RUVBL2: variants seen among roughly 807,000 people sequenced by gnomAD.
RUVBL2 encodes the protein RuvB like AAA ATPase 2, also known as ruvB-like 2.
A neutral mutation model predicts 57.9 loss-of-function variants in RUVBL2; 9 were observed. That is an observed-to-expected ratio of 0.16 (90% CI 0.09 to 0.27). RUVBL2 has a LOEUF of 0.27. Among genes scored for constraint, RUVBL2 ranks in the 10% least tolerant of loss-of-function variants. The probability of loss-of-function intolerance (pLI) is 1.00; values close to 1 mark genes in which losing one functional copy is unlikely to be tolerated. For missense variants in RUVBL2, 456 were observed against 669.6 expected, an observed-to-expected ratio of 0.68 and a Z score of 3.52; for synonymous variants, 278 against 264.6, an observed-to-expected ratio of 1.05 and a Z score of -0.49.
At position 49,011,837 on chromosome 19, in the gene RUVBL2, T is replaced by A. The variant is rs1049814348; in HGVS notation, c.1001+527T>A. On this transcript the variant is annotated intron_variant, in intron 11 of 14. Transcript: ENST00000595090. The surrounding 1 kb of genome is among the most constrained non-coding windows in gnomAD (Gnocchi z 4.4). Reference sequence around the variant, plus strand: ...CACCCTGTGCACGGGGAACTCTTAATGTTGTGTTTGGCCTGAGGATGCCGG... The same window carrying A: ...CACCCTGTGCACGGGGAACTCTTAAAGTTGTGTTTGGCCTGAGGATGCCGG... 2.6e-5 allele frequency among the ~76,000 whole-genome samples: 3 copies of A among 116,842 alleles called. No homozygotes were observed. The highest frequency in any genetic ancestry group is 6.1e-5 in the Non-Finnish European group (3 of 48,878). The allele number at this position is 116,842 out of a possible 152,430, so 76.7% of individuals were successfully genotyped here. A position where few individuals can be genotyped will look rare whatever the true frequency, so the allele number is the denominator to read the frequency against.
At position 49,010,482 on chromosome 19, in the gene RUVBL2, C is replaced by CCCAACAACAA; in HGVS notation, c.664-5_664-4insCAACAACAAC. The stretch of plus-strand genomic sequence containing the variant: ...CCGCCGTTCTTCCCCCACCCCCGCC[C>CCCAACAACAA]CATAGACCAAGTTCGTGCAGTGCCC... On this transcript the variant is annotated splice_polypyrimidine_tract_variant and splice_region_variant and intron_variant, in intron 8 of 14. Transcript: ENST00000595090. The CCCAACAACAA allele has an allele frequency of 6.2e-7, 1 of 1,605,460 alleles. No homozygotes were observed. Among genetic ancestry groups the CCCAACAACAA allele is most frequent in the Non-Finnish European group, 8.5e-7 (1 of 1,173,098 alleles).
At chr19:48,993,456 G>A, upstream of RUVBL2, 1 of 428,834 alleles carries the variant, frequency 2.3e-6, no homozygotes, top group Non-Finnish European at 4.4e-6. Flanking sequence ...CTGTGTCCCG[G>A]CCCCGCCTCG....
At chr19:49,010,271 C>T in intron 8 of RUVBL2, 1 of 684,744 alleles carries the variant, frequency 1.5e-6, no homozygotes, top group Admixed American at 2.7e-5. Flanking sequence ...TGGCCTGTGG[C>T]TTCTAAGGTC....
chr19:49,010,467 T>TCGCGCC, intron 8 of RUVBL2, 21 bp from the exon 9 acceptor site: 1 of 1,401,208 alleles, frequency 7.1e-7, no homozygotes, highest in Non-Finnish European at 9.9e-7. Context: ...CCGCCGTTCT[T>TCGCGCC]CCCCCACCCC....
At chr19:48,994,198 C>T (rs964166401) in intron 1 of RUVBL2, 2 of 540,944 alleles carry the variant, frequency 3.7e-6, no homozygotes, top group African/African-American at 3.8e-5. Context: ...TCAAAATCAT[C>T]TTGGCGCAAC....
Position 49,007,310 on chromosome 19 carries a change from C to T in RUVBL2, c.404C>T (p.Thr135Met), listed in dbSNP as rs776647069. The T allele has an allele frequency of 9.3e-6, 15 of 1,613,738 alleles. No individual in the cohort carries two copies. The Admixed American group carries it at 1.2e-4, about 13-fold the overall frequency. ...RSIGVRIKEETEIIEGEVVEI... is the reference protein window; with the variant it reads ...RSIGVRIKEEMEIIEGEVVEI... ...ATCTGCTCTCTGGCTAGGGAGGAGA[C>T]GGAGATCATCGAAGGGGAGGTGGTG... Residue 135 changes from threonine (T) to methionine (M), a missense_variant, in exon 6 of 15, where the codon ACG (threonine) becomes ATG (methionine). By Grantham distance (81) the Thr-to-Met change is moderately conservative. Transcript: ENST00000595090.
chr19:49,010,622 T>TCCTGC lies in RUVBL2; in HGVS notation c.787+34_787+38dup, dbSNP rs367698302. The TCCTGC allele has an allele frequency of 1.4e-3, 2,323 of 1,613,158 alleles. 90 individuals are homozygous for TCCTGC. In the East Asian group the frequency reaches 0.042, roughly 29 times the overall value. Reference sequence around the variant, plus strand: ...TGGCGCTCTTCTCAGGTGAGGCCCCTCCTGCCCTGCCCTGCCCTGCCCTGC... The same window carrying TCCTGC: ...TGGCGCTCTTCTCAGGTGAGGCCCCTCCTGCCCTGCCCTGCCCTGCCCTGCCCTGC... On this transcript the variant is annotated intron_variant, in intron 9 of 14. Coordinates refer to ENST00000595090, the MANE Select transcript of RUVBL2 (RefSeq NM_006666.3).
chr19:49,015,449 C>T, intron 13 of RUVBL2, 123 bp from the exon 14 acceptor site: 1 of 835,326 alleles, frequency 1.2e-6, no homozygotes, highest in Admixed American at 2.0e-5. Flanking sequence ...CAATCTGGCC[C>T]AGAATGCCCT....
rs138614683 is a variant in RUVBL2 at position 49,010,048 on chromosome 19, C to T, written c.645C>T (p.Tyr215=). ...LGRSFTRARD[Y]DAMGSQTKFV... is the part of the protein sequence containing the mutation. ...GCTCCTTCACACGCGCCCGCGACTA[C>T]GACGCTATGGGCTCCCAGGTGCGGC... Residue 215 remains tyrosine (Y), a synonymous_variant, in exon 8 of 15, where the codon TAC becomes TAT. Coordinates refer to ENST00000595090, the MANE Select transcript of RUVBL2 (RefSeq NM_006666.3). 4.8e-4 allele frequency: 764 copies of T among 1,599,336 alleles called. No homozygotes were observed. Among genetic ancestry groups the T allele is most frequent in the Non-Finnish European group, 6.0e-4 (708 of 1,173,074 alleles).
At chr19:49,009,657 C>A in intron 6 of RUVBL2, 119 bp from the exon 7 acceptor site, 1 of 842,430 alleles carries the variant, frequency 1.2e-6, no homozygotes, top group Non-Finnish European at 2.0e-6. Flanking sequence ...GTGTTGTGCC[C>A]ATTTTGAAGC....
chr19:49,003,619 A>G (rs2039225819), intron 3 of RUVBL2, among the ~76,000 whole-genome samples: 2 of 152,206 alleles, frequency 1.3e-5, no homozygotes, highest in Non-Finnish European at 2.9e-5. Flanking sequence ...CCCTGTCTCT[A>G]CTAAAAATAC....
intron 3 of RUVBL2, 78 bp from the exon 4 acceptor site, chr19:49,004,199 C>G: frequency 6.7e-7 from 1 of 1,484,936 alleles, no homozygotes; most frequent in South Asian, 1.1e-5. Context: ...CTGCTTCCAT[C>G]TCACTAGCTT....
chr19:49,002,192 G>A (rs2039197656), intron 2 of RUVBL2, among the ~76,000 whole-genome samples: 1 of 151,874 alleles, frequency 6.6e-6, no homozygotes, highest in African/African-American at 2.4e-5. Flanking sequence ...GAGACTACAG[G>A]TGCATGCCAC....
At chr19:49,012,712 A>G (rs1336350000) in intron 11 of RUVBL2, among the ~76,000 whole-genome samples, 1 of 152,236 alleles carries the variant, frequency 6.6e-6, no homozygotes, top group Non-Finnish European at 1.5e-5. Flanking sequence ...CTCATGCTGT[A>G]AATAAGTGTC....
At chr19:49,007,706 C>CT (rs200255767) in intron 6 of RUVBL2, among the ~76,000 whole-genome samples, 13,254 of 149,300 alleles carry the variant, frequency 0.089, 596 homozygotes, top group Middle Eastern at 0.11. Flanking sequence ...TTTGCTCTCT[C>CT]TTTTTTTTTT....
At chr19:49,013,944 A>G (rs1002406720) in intron 11 of RUVBL2, among the ~76,000 whole-genome samples, 1 of 152,230 alleles carries the variant, frequency 6.6e-6, no homozygotes, top group South Asian at 2.1e-4. Context: ...AGAAACACAC[A>G]AATGAAAATA....
intron 1 of RUVBL2, 102 bp downstream of exon 1, chr19:48,994,025 T>C (rs2039000905): frequency 1.5e-6 from 2 of 1,345,504 alleles, no homozygotes; most frequent in South Asian, 2.4e-5. Flanking sequence ...GGAGGGGGGA[T>C]CTGGGGGTTC....
At chr19:48,994,905 A>C (rs2039023992) in intron 1 of RUVBL2, 1 of 152,208 alleles carries the variant, frequency 6.6e-6, no homozygotes. Flanking sequence ...TGGGCGACAA[A>C]GCGAGACTCT....
At chr19:49,012,151 G>C (rs957550473) in intron 11 of RUVBL2, among the ~76,000 whole-genome samples, 1 of 152,172 alleles carries the variant, frequency 6.6e-6, no homozygotes, top group African/African-American at 2.4e-5. Context: ...AAGAAGGCTG[G>C]GTACTGTCAG....
Sources: allele counts gnomAD v4.1 joint callset (sites outside exome capture counted in the v4.1 genomes callset), GRCh38; gene constraint gnomAD v4.1.1; non-coding constraint Gnocchi (gnomAD v3.1); transcripts MANE v1.5; gene names NCBI Gene and HGNC (gene_info 2026-07-23, HGNC 2026-07-21).